USP13: variants seen among roughly 807,000 people sequenced by gnomAD.
The protein encoded by USP13 is ubiquitin specific peptidase 13.
In USP13, 68 loss-of-function variants were observed where a neutral mutation model predicts 107.8. That is an observed-to-expected ratio of 0.63 (90% confidence interval 0.52 to 0.77). The LOEUF is 0.77. Among genes scored for constraint, USP13 ranks in the 30% least tolerant of loss-of-function variants. The pLI is 0.00. For missense variants in USP13, 945 were observed against 1,093.3 expected (o/e 0.86, Z 1.91); for synonymous variants, 377 against 389.5 (o/e 0.97, Z 0.38).
chr3:179,680,473 A>T (rs894545202), intron 1 of USP13, among the ~76,000 whole-genome samples: 2 of 152,220 alleles, frequency 1.3e-5, no homozygotes, highest in East Asian at 3.8e-4. Context: ...TTGAACAGCA[A>T]CATGATGCTT....
rs147145177 is a variant in USP13, at chr3:179,746,177, C to CTATA, written c.1709+973_1709+976dup. On this transcript the variant is annotated intron_variant, in intron 13 of 20. Transcript: ENST00000263966. ...ACCATGGCCTCAATAGCAGTTCAACCTATATATATATATATAAAATTTTAT... is the reference window on the plus strand; with the variant it reads ...ACCATGGCCTCAATAGCAGTTCAACCTATATATATATATATATATAAAATTTTAT... Among the ~76,000 whole-genome samples, 593 of 141,272 alleles carry CTATA rather than the reference C, an allele frequency of 4.2e-3. 6 individuals are homozygous for CTATA. Among genetic ancestry groups the CTATA allele is most frequent in the African/African-American group, 0.014 (553 of 38,400 alleles). 92.7% of individuals were successfully genotyped at this position (141,272 alleles called of 152,430 possible).
rs1453945562 is a variant in USP13 at position 179,784,761 on chromosome 3, G to A, written c.*620G>A. 6.6e-6 allele frequency: 1 copy of A among 152,178 alleles called. No individual in the cohort carries two copies. Among genetic ancestry groups the A allele is most frequent in the Non-Finnish European group, 1.5e-5 (1 of 68,040 alleles). The allele number at this position is 152,178 out of a possible 1,614,324, so 9.4% of individuals were successfully genotyped here. ...TGAATGTGTGTGAGACTGACTGAGAGTGTGAGACTTTTACTAGAAAAGTGA... is the reference window on the plus strand; with the variant it reads ...TGAATGTGTGTGAGACTGACTGAGAATGTGAGACTTTTACTAGAAAAGTGA... On this transcript the variant is annotated 3_prime_UTR_variant, in exon 21 of 21. Transcript: ENST00000263966.
intron 15 of USP13, among the ~76,000 whole-genome samples, chr3:179,756,153 G>A (rs1342769908): frequency 2.0e-5 from 3 of 152,152 alleles, no homozygotes; most frequent in East Asian, 1.9e-4. Context: ...GGCCAGGCGC[G>A]GTGGCTCACA....
chr3:179,779,044 G>T (rs1715649697), intron 19 of USP13, among the ~76,000 whole-genome samples: 1 of 152,086 alleles, frequency 6.6e-6, no homozygotes, highest in Non-Finnish European at 1.5e-5. Context: ...ACAGCTTGAA[G>T]GTCAGGGCTT....
chr3:179,700,895 C>T (rs1712492031), intron 3 of USP13, 113 bp from the exon 4 acceptor site: 1 of 1,301,160 alleles, frequency 7.7e-7, no homozygotes, highest in Non-Finnish European at 1.0e-6. Context: ...GTAAATGTCA[C>T]ACCCTTGGTA....
chr3:179,749,005 T>A (rs1449403938), intron 13 of USP13, among the ~76,000 whole-genome samples: 2 of 152,224 alleles, frequency 1.3e-5, no homozygotes, highest in East Asian at 3.8e-4. Flanking sequence ...TTCTGTTATG[T>A]TTATCTTCGT....
At chr3:179,738,297 A>G (rs1054997610) in intron 10 of USP13, among the ~76,000 whole-genome samples, 7 of 152,238 alleles carry the variant, frequency 4.6e-5, no homozygotes, top group Non-Finnish European at 8.8e-5. Context: ...CAGCCTTTGC[A>G]GAGAGGACAT....
chr3:179,695,533 ATTTTTT>A (rs199646442), intron 3 of USP13, among the ~76,000 whole-genome samples: 1 of 144,440 alleles, frequency 6.9e-6, no homozygotes, highest in African/African-American at 2.5e-5. Flanking sequence ...TTTTGCTGCT[ATTTTTT>A]TTTTTTTAAC....
At chr3:179,751,932 G>A (rs1046938406) in intron 13 of USP13, among the ~76,000 whole-genome samples, 3 of 152,028 alleles carry the variant, frequency 2.0e-5, no homozygotes, top group Admixed American at 1.3e-4. Context: ...TAGTAGAGAC[G>A]GGGTTTCACC....
rs566190962 is a variant in USP13 at position 179,682,326 on chromosome 3, C to A, written c.294+323C>A. ...TGGATCCAAAAATCATAAAAAAAAA[C>A]CATTTGAATGTTCCTGCTTCAGATG... On this transcript the variant is annotated intron_variant, in intron 2 of 20. Transcript: ENST00000263966. Among the ~76,000 whole-genome samples, 15 of 136,756 alleles carry A rather than the reference C, an allele frequency of 1.1e-4. No individual in the cohort carries two copies. The East Asian group carries it at 3.2e-3, about 29-fold the overall frequency. 89.7% of individuals were successfully genotyped at this position (136,756 alleles called of 152,430 possible). A position where few individuals can be genotyped will look rare whatever the true frequency, so the allele number is the denominator to read the frequency against.
intron 13 of USP13, among the ~76,000 whole-genome samples, chr3:179,746,052 G>T (rs899608408): frequency 2.6e-5 from 4 of 151,654 alleles, no homozygotes; most frequent in Non-Finnish European, 5.9e-5. Flanking sequence ...GTTTTGCTAC[G>T]TTCAGATATT....
At chr3:179,749,383 C>T (rs1330308379) in intron 13 of USP13, among the ~76,000 whole-genome samples, 2 of 152,174 alleles carry the variant, frequency 1.3e-5, no homozygotes, top group Non-Finnish European at 2.9e-5. Context: ...GAATGATTTA[C>T]ATTCTAATGA....
At chr3:179,696,644 T>G (rs1560052194) in intron 3 of USP13, among the ~76,000 whole-genome samples, 1 of 152,124 alleles carries the variant, frequency 6.6e-6, no homozygotes, top group African/African-American at 2.4e-5. Flanking sequence ...GCATTTCTTT[T>G]GGCTTAGGGT....
intron 1 of USP13, among the ~76,000 whole-genome samples, chr3:179,668,277 G>A (rs1720644617): frequency 6.6e-6 from 1 of 152,174 alleles, no homozygotes; most frequent in African/African-American, 2.4e-5. Context: ...TGGGACTACA[G>A]GTGTGCACCA....
rs199954201 is a variant in USP13, at chr3:179,765,710, A to G, written c.2275A>G (p.Arg759Gly). The part of the protein sequence containing the change: ...ALRATNNNLE[R>G]ALDWIFSHPE... ...TTGTTGTTAGAATAATAACCTGGAA[A>G]GAGCACTGGATTGGATCTTTAGCCA... Residue 759 changes from arginine to glycine, a missense_variant, in exon 19 of 21, where the codon AGA (arginine) becomes GGA (glycine). Physicochemically the swap from Arg to Gly is moderately radical, Grantham distance 125. Transcript: ENST00000263966. 2.8e-4 allele frequency: 458 copies of G among 1,613,836 alleles called. No individual in the cohort carries two copies. The highest frequency in any genetic ancestry group is 3.8e-4 in the Non-Finnish European group (450 of 1,179,962).
intron 19 of USP13, among the ~76,000 whole-genome samples, chr3:179,776,858 G>GTT (rs71628094): frequency 0.054 from 4,225 of 78,110 alleles, 84 homozygotes; most frequent in Middle Eastern, 0.1. Flanking sequence ...TAGAGTGCTG[G>GTT]TTTTTTTTTT....
At chr3:179,720,716 C>T (rs1424353688) in intron 7 of USP13, among the ~76,000 whole-genome samples, 2 of 151,946 alleles carry the variant, frequency 1.3e-5, no homozygotes, top group Non-Finnish European at 2.9e-5. Context: ...ATTGAATATT[C>T]CCTTGAATTT....
At chr3:179,663,018 T>A (rs1006510812) in intron 1 of USP13, among the ~76,000 whole-genome samples, 27 of 152,208 alleles carry the variant, frequency 1.8e-4, no homozygotes, top group African/African-American at 6.0e-4. Context: ...TTAACCATTT[T>A]AAAATGTACA....
rs756914382 is a variant in USP13 at position 179,707,043 on chromosome 3, C to A, written c.587C>A (p.Thr196Asn). ...GTATCTAAATATGCCAACAACCTCA[C>A]CCAGCTGGACAATGGAGTCAGGATT... ...LPVSKYANNL[T>N]QLDNGVRIPP... Residue 196 changes from threonine (T) to asparagine (N), a missense_variant, in exon 5 of 21, where the codon ACC (threonine) becomes AAC (asparagine). Physicochemically the swap from Thr to Asn is moderately conservative, Grantham distance 65. Coordinates refer to ENST00000263966, the MANE Select transcript of USP13 (RefSeq NM_003940.3). 1.1e-5 allele frequency: 18 copies of A among 1,613,978 alleles called. No homozygotes were observed. The highest frequency in any genetic ancestry group is 5.9e-6 in the Non-Finnish European group (7 of 1,180,026).
Sources: gnomAD v4.1 joint callset for allele counts (sites outside exome capture counted in the v4.1 genomes callset) on GRCh38, gnomAD v4.1.1 for gene constraint, MANE v1.5 for transcripts, NCBI Gene and HGNC (gene_info 2026-07-23, HGNC 2026-07-21) for gene names.